Variants in ARHGEF18 observed in about 807,000 individuals in gnomAD.
ARHGEF18 encodes the protein Rho/Rac guanine nucleotide exchange factor 18.
ARHGEF18 carries 93 observed loss-of-function variants against 155.7 expected under a neutral mutation model. That is an observed-to-expected ratio of 0.60 (90% CI 0.50 to 0.71). The LOEUF (loss-of-function observed/expected upper bound fraction) is 0.71. ARHGEF18 is among the 30% of genes least tolerant of loss of function. The probability of loss-of-function intolerance (pLI) is 0.00; values close to 1 mark genes in which losing one functional copy is unlikely to be tolerated. For synonymous variants in ARHGEF18, 742 were observed against 753.1 expected (o/e 0.99, Z 0.24); for missense variants, 1,593 against 1,816.1 (o/e 0.88, Z 2.23).
chr19:7,421,870 T>C (rs1973368465), intron 10 of ARHGEF18, among the ~76,000 whole-genome samples: 1 of 152,200 alleles, frequency 6.6e-6, no homozygotes, highest in African/African-American at 2.4e-5. Context: ...CATTTCAGAC[T>C]GACCATGTCT....
intron 10 of ARHGEF18, among the ~76,000 whole-genome samples, chr19:7,426,819 A>AC (rs1462029310): frequency 6.6e-6 from 1 of 152,202 alleles, no homozygotes; most frequent in Non-Finnish European, 1.5e-5. Context: ...GACTGGTCCC[A>AC]GGAGGAAAAG....
downstream of ARHGEF18, among the ~76,000 whole-genome samples, chr19:7,474,644 C>G (rs919688289): frequency 6.6e-6 from 1 of 151,940 alleles, no homozygotes. Flanking sequence ...TCCCAAAGTG[C>G]TGGGATTACA....
chr19:7,429,742 C>T (rs1973853526), intron 10 of ARHGEF18, among the ~76,000 whole-genome samples: 1 of 152,206 alleles, frequency 6.6e-6, no homozygotes, highest in African/African-American at 2.4e-5. Flanking sequence ...AGAGGGCCCA[C>T]ACCCATAAGA....
chr19:7,456,062 C>T (rs1458114745), intron 17 of ARHGEF18, among the ~76,000 whole-genome samples: 1 of 152,220 alleles, frequency 6.6e-6, no homozygotes, highest in Non-Finnish European at 1.5e-5. Context: ...TTGCCGGGCA[C>T]AGTGGCCTGA....
intron 10 of ARHGEF18, among the ~76,000 whole-genome samples, chr19:7,420,532 C>T (rs1338706801): frequency 2.6e-5 from 4 of 152,194 alleles, no homozygotes; most frequent in African/African-American, 2.4e-5. Flanking sequence ...GGATTCCAGG[C>T]GTGAGCCCCC....
chr19:7,380,652 C>G (rs1164445686), intron 7 of ARHGEF18, among the ~76,000 whole-genome samples: 2 of 151,934 alleles, frequency 1.3e-5, no homozygotes, highest in African/African-American at 4.8e-5. Flanking sequence ...CCACTGCACT[C>G]CAGCCTGGGC....
intron 16 of ARHGEF18, among the ~76,000 whole-genome samples, chr19:7,452,209 C>T (rs565551627): frequency 6.6e-6 from 1 of 152,336 alleles, no homozygotes; most frequent in African/African-American, 2.4e-5. Context: ...TTCAAACAGA[C>T]CCAGAGATGG....
At chr19:7,473,785 G>A (rs1977139468), downstream of ARHGEF18, among the ~76,000 whole-genome samples, 1 of 135,516 alleles carries the variant, frequency 7.4e-6, no homozygotes, top group African/African-American at 2.9e-5. Context: ...ACTCAGCCTA[G>A]GCAATAGAGC....
At chr19:7,447,730 C>T (rs1161639911) in intron 15 of ARHGEF18, among the ~76,000 whole-genome samples, 5 of 152,124 alleles carry the variant, frequency 3.3e-5, no homozygotes, top group Non-Finnish European at 2.9e-5. Context: ...TGCAATGCCT[C>T]ACGCTGTAAA....
intron 10 of ARHGEF18, among the ~76,000 whole-genome samples, chr19:7,396,235 G>T (rs796115909): frequency 2.6e-5 from 4 of 152,180 alleles, no homozygotes; most frequent in African/African-American, 9.7e-5. Context: ...CCACGGAAGC[G>T]AAGCGGCCAA....
At chr19:7,351,636 T>G (rs1405554894) in intron 1 of ARHGEF18, among the ~76,000 whole-genome samples, 2 of 151,044 alleles carry the variant, frequency 1.3e-5, no homozygotes, top group Non-Finnish European at 2.9e-5. Flanking sequence ...GTGGACTTCT[T>G]AAGGATCCCA....
chr19:7,440,374 T>A lies in ARHGEF18; in HGVS notation c.998T>A (p.Leu333His). Residue 333 changes from leucine to histidine, a missense_variant, in exon 11 of 29, where the codon CTC becomes CAC. Coordinates refer to ENST00000668164, the MANE Select transcript of ARHGEF18 (RefSeq NM_001367823.1). The surrounding 1 kb of genome is among the most constrained non-coding windows in gnomAD (Gnocchi z 5.4). ...ASLKEHPRGTLLSDGSPALSR... is the reference protein window; with the variant it reads ...ASLKEHPRGTHLSDGSPALSR... ...CTCAAGGAGCACCCCCGGGGCACCC[T>A]CCTGTCCGATGGCAGCCCGGCCCTG... The A allele has an allele frequency of 6.2e-7, 1 of 1,611,608 alleles. No individual in the cohort carries two copies. Among genetic ancestry groups the A allele is most frequent in the Non-Finnish European group, 8.5e-7 (1 of 1,179,976 alleles).
intron 1 of ARHGEF18, among the ~76,000 whole-genome samples, chr19:7,350,761 GGGGTGGGTGTGT>G (rs1326599788): frequency 4.7e-5 from 3 of 63,610 alleles, no homozygotes; most frequent in Non-Finnish European, 9.3e-5. Flanking sequence ...TGAGTTTTTT[GGGGTGGGTGTGT>G]GTGTGTGTGT....
chr19:7,364,553 G>A (rs1014224488), intron 2 of ARHGEF18, among the ~76,000 whole-genome samples: 1 of 152,138 alleles, frequency 6.6e-6, no homozygotes, highest in Admixed American at 6.5e-5. Flanking sequence ...AAGCGCTTAT[G>A]TCAGGGGCCT....
intron 1 of ARHGEF18, among the ~76,000 whole-genome samples, chr19:7,353,439 A>C (rs1326649162): frequency 6.6e-6 from 1 of 151,480 alleles, no homozygotes; most frequent in Non-Finnish European, 1.5e-5. Flanking sequence ...GAATACAAAA[A>C]ATTAGCCAGG....
chr19:7,437,610 G>A (rs1184282189), intron 10 of ARHGEF18, among the ~76,000 whole-genome samples: 2 of 151,158 alleles, frequency 1.3e-5, no homozygotes, highest in African/African-American at 4.9e-5. Context: ...GGACCTAGGA[G>A]CCAGGAGGCC....
At chr19:7,407,801 A>T (rs1222590043) in intron 10 of ARHGEF18, among the ~76,000 whole-genome samples, 1 of 151,822 alleles carries the variant, frequency 6.6e-6, no homozygotes, top group Non-Finnish European at 1.5e-5. Flanking sequence ...TCTCTACTGA[A>T]AATACAAAAA....
Position 7,379,166 on chromosome 19 carries a change from G to A in ARHGEF18, c.644G>A (p.Gly215Glu), listed in dbSNP as rs1022979024. 8.1e-7 allele frequency: 1 copy of A among 1,232,600 alleles called. No homozygotes were observed. Among genetic ancestry groups the A allele is most frequent in the Admixed American group, 4.2e-5 (1 of 23,696 alleles). 76.4% of individuals were successfully genotyped at this position (1,232,600 alleles called of 1,614,324 possible). A position where few individuals can be genotyped will look rare whatever the true frequency, so the allele number is the denominator to read the frequency against. The change falls in exon 7 of 29, where the codon GGG becomes GAG. Residue 215 changes from glycine (G) to glutamate (E), a missense_variant and splice_region_variant. Coordinates refer to ENST00000668164, the MANE Select transcript of ARHGEF18 (RefSeq NM_001367823.1). Reference protein sequence around the residue: ...QVLQELRQYHGARQRACMSAS... With the variant: ...QVLQELRQYHEARQRACMSAS... Reference sequence around the variant, plus strand: ...CTTCAAGAACTTCGACAGTACCATGGGTAAGTGGGAATCGGGACAGGCTTG... The same window carrying A: ...CTTCAAGAACTTCGACAGTACCATGAGTAAGTGGGAATCGGGACAGGCTTG...
chr19:7,425,234 C>A (rs1973588571), intron 10 of ARHGEF18, among the ~76,000 whole-genome samples: 1 of 151,954 alleles, frequency 6.6e-6, no homozygotes, highest in South Asian at 2.1e-4. Context: ...GGTGACTCAC[C>A]TATAGCAGTT....
Sources: gnomAD v4.1 joint callset for allele counts (sites outside exome capture counted in the v4.1 genomes callset) on GRCh38, gnomAD v4.1.1 for gene constraint, Gnocchi (gnomAD v3.1) non-coding constraint, MANE v1.5 for transcripts, NCBI Gene and HGNC (gene_info 2026-07-23, HGNC 2026-07-21) for gene names.